The following GXYLT2 variants were observed in gnomAD, a reference collection of about 807,000 sequenced individuals.
GXYLT2 encodes glycosyltransferase 8 domain containing 4.
In GXYLT2, 53 loss-of-function variants were observed where a neutral mutation model predicts 45.8. The ratio of observed to expected loss-of-function variants is 1.16; its 90% confidence interval spans 0.93 to 1.46. GXYLT2 has a LOEUF of 1.46. Ranked by LOEUF, GXYLT2 falls within the 40% of genes most tolerant of loss-of-function variation. The pLI is 0.00. For missense variants in GXYLT2, 551 were observed against 544.4 expected (o/e 1.01, Z -0.12); for synonymous variants, 219 against 214.2 (o/e 1.02, Z -0.19).
chr3:72,959,859 T>C lies in GXYLT2; in HGVS notation c.976+2507T>C, dbSNP rs535811665. ...CATGTTGGCCAGGCTGGTCTCGAAC[T>C]CCTGACCTCAGGTGATCCACCCTCC... On this transcript the variant is annotated intron_variant, in intron 5 of 6. Coordinates refer to ENST00000389617, the MANE Select transcript of GXYLT2 (RefSeq NM_001080393.2). Among the ~76,000 whole-genome samples the C allele has an allele frequency of 5.9e-5, 9 of 152,268 alleles. No homozygotes were observed. In the East Asian group the frequency reaches 1.7e-3, roughly 29 times the overall value.
intron 3 of GXYLT2, among the ~76,000 whole-genome samples, chr3:72,953,345 AGTG>A (rs1204766128): frequency 2.6e-5 from 4 of 151,982 alleles, no homozygotes; most frequent in African/African-American, 9.7e-5. Flanking sequence ...GCTGGAGTGC[AGTG>A]GTGTGATCTT....
intron 2 of GXYLT2, among the ~76,000 whole-genome samples, chr3:72,915,997 C>T (rs1709734779): frequency 6.6e-6 from 1 of 151,990 alleles, no homozygotes; most frequent in Admixed American, 6.6e-5. Context: ...TTATTAGATG[C>T]ATGGTCCATG....
Position 72,908,409 on chromosome 3 carries a change from C to G in GXYLT2, c.318C>G (p.Pro106=), listed in dbSNP as rs547210371. The G allele has an allele frequency of 5.0e-6, 8 of 1,613,702 alleles. No homozygotes were observed. Among genetic ancestry groups the G allele is most frequent in the South Asian group, 4.4e-5 (4 of 91,036 alleles). Residue 106 remains proline (P), a synonymous_variant, in exon 2 of 7, where the codon CCC becomes CCG. Coordinates refer to ENST00000389617, the MANE Select transcript of GXYLT2 (RefSeq NM_001080393.2). ...GGAGTTTCCAAGCTGTGCTGCCACC[C>G]GAGCTCTGGATCCACCTGGCTGTGG... The part of the protein sequence containing the change: ...EPRSFQAVLP[P]ELWIHLAVVA...
At chr3:72,935,577 C>T (rs1710160403) in intron 3 of GXYLT2, among the ~76,000 whole-genome samples, 1 of 152,068 alleles carries the variant, frequency 6.6e-6, no homozygotes, top group Non-Finnish European at 1.5e-5. Flanking sequence ...TTCAGAACAA[C>T]AGGTGAAATA....
At chr3:72,916,244 CT>C (rs1185392108) in intron 2 of GXYLT2, among the ~76,000 whole-genome samples, 2 of 149,722 alleles carry the variant, frequency 1.3e-5, no homozygotes, top group Non-Finnish European at 3.0e-5. Flanking sequence ...AGTTTGGCCC[CT>C]GAGTGAGAAT....
chr3:72,937,426 G>A (rs1575801059), intron 3 of GXYLT2, among the ~76,000 whole-genome samples: 1 of 152,176 alleles, frequency 6.6e-6, no homozygotes, highest in African/African-American at 2.4e-5. Context: ...ATGTATGGTA[G>A]GTGGCCAATG....
chr3:72,903,629 G>A (rs73838412), intron 1 of GXYLT2, among the ~76,000 whole-genome samples: 17,652 of 152,110 alleles, frequency 0.12, 2,512 homozygotes, highest in African/African-American at 0.34. Context: ...GCATGGCCAG[G>A]TAGGGAATCC....
In GXYLT2 at chr3:72,975,064, A is replaced by G. The variant is rs1358120137; in HGVS notation, c.1237A>G (p.Ile413Val). 6.2e-7 allele frequency: 1 copy of G among 1,613,670 alleles called. No homozygotes were observed. Among genetic ancestry groups the G allele is most frequent in the Non-Finnish European group, 8.5e-7 (1 of 1,179,664 alleles). The part of the protein sequence containing the change: ...LETVHTLCGR[I>V]PQVFLKQIEK... Reference sequence around the variant, plus strand: ...GACTGTGCACACTTTATGTGGACGAATCCCGCAAGTTTTTCTGAAGCAAAT... The same window carrying G: ...GACTGTGCACACTTTATGTGGACGAGTCCCGCAAGTTTTTCTGAAGCAAAT... The change falls in exon 7 of 7, where the codon ATC (isoleucine) becomes GTC (valine). Residue 413 changes from isoleucine to valine, a missense_variant. Physicochemically the swap from Ile to Val is conservative, Grantham distance 29. Coordinates refer to ENST00000389617, the MANE Select transcript of GXYLT2 (RefSeq NM_001080393.2).
chr3:72,912,013 A>ATTTTTTTTTTTTTT (rs35108267), intron 2 of GXYLT2, among the ~76,000 whole-genome samples: 1 of 114,924 alleles, frequency 8.7e-6, no homozygotes, highest in African/African-American at 4.0e-5. Flanking sequence ...ATATATATAT[A>ATTTTTTTTTTTTTT]TTTTTTTTTT....
intron 2 of GXYLT2, among the ~76,000 whole-genome samples, chr3:72,911,613 A>G (rs13080410): frequency 1.6e-3 from 250 of 152,092 alleles, no homozygotes; most frequent in Non-Finnish European, 2.6e-3. Flanking sequence ...CCTTGCCAAC[A>G]CTTGTGTGTG....
At chr3:72,890,598 G>A (rs543993907) in intron 1 of GXYLT2, among the ~76,000 whole-genome samples, 20 of 152,184 alleles carry the variant, frequency 1.3e-4, no homozygotes, top group Non-Finnish European at 2.9e-4. Context: ...CCTGCAATTC[G>A]TAATTTTACT....
chr3:72,913,588 G>A (rs1238668710), intron 2 of GXYLT2, among the ~76,000 whole-genome samples: 2 of 151,946 alleles, frequency 1.3e-5, no homozygotes, highest in Admixed American at 6.5e-5. Flanking sequence ...CCAGCTACTC[G>A]GGAGTCTGAG....
At chr3:72,904,882 A>AG (rs1311850248) in intron 1 of GXYLT2, among the ~76,000 whole-genome samples, 4 of 48,882 alleles carry the variant, frequency 8.2e-5, no homozygotes, top group Admixed American at 4.0e-4. Flanking sequence ...AGATACAAAA[A>AG]AAAAAAAAAA....
chr3:72,965,252 C>T (rs567517146), intron 5 of GXYLT2, among the ~76,000 whole-genome samples: 2 of 152,330 alleles, frequency 1.3e-5, no homozygotes, highest in Admixed American at 1.3e-4. Context: ...GCCCTGAAAA[C>T]ATACACAGCC....
chr3:72,921,612 T>C (rs1295552733), intron 2 of GXYLT2, among the ~76,000 whole-genome samples: 2 of 152,012 alleles, frequency 1.3e-5, no homozygotes, highest in African/African-American at 4.8e-5. Context: ...TGTTTTTTAG[T>C]AGAGATGGGG....
At chr3:72,897,358 A>G (rs751807019) in intron 1 of GXYLT2, among the ~76,000 whole-genome samples, 1 of 152,186 alleles carries the variant, frequency 6.6e-6, no homozygotes, top group Non-Finnish European at 1.5e-5. Flanking sequence ...AATTTTCTCC[A>G]TGTAACAATT....
In GXYLT2 at chr3:72,913,373, A is replaced by G. The variant is rs141726488; in HGVS notation, c.468+4814A>G. Among the ~76,000 whole-genome samples, 967 of 151,674 alleles carry G rather than the reference A, an allele frequency of 6.4e-3. 10 individuals are homozygous for G. The highest frequency in any genetic ancestry group is 0.022 in the African/African-American group (898 of 41,406). On this transcript the variant is annotated intron_variant, in intron 2 of 6. Coordinates refer to ENST00000389617, the MANE Select transcript of GXYLT2 (RefSeq NM_001080393.2). ...TTTATTAAACCAGTGAAGCTCATCT[A>G]ATGAAGGAAATTATGACAGGGTGTT... is the stretch of plus-strand genomic sequence containing the variant.
intron 3 of GXYLT2, among the ~76,000 whole-genome samples, chr3:72,935,276 A>G (rs183680693): frequency 1.3e-5 from 2 of 152,156 alleles, no homozygotes. Flanking sequence ...ATAGAACTCA[A>G]TAGAAGAACT....
chr3:72,948,580 T>G (rs1290410019), intron 3 of GXYLT2, among the ~76,000 whole-genome samples: 1 of 152,206 alleles, frequency 6.6e-6, no homozygotes, highest in African/African-American at 2.4e-5. Flanking sequence ...GGCTCACGCC[T>G]GTAATCCCAG....
Sources: allele counts gnomAD v4.1 joint callset (sites outside exome capture counted in the v4.1 genomes callset), GRCh38; gene constraint gnomAD v4.1.1; transcripts MANE v1.5; gene names NCBI Gene and HGNC (gene_info 2026-07-23, HGNC 2026-07-21).